The following SHISA9 variants were observed in gnomAD, a reference collection of about 807,000 sequenced individuals.
SHISA9 encodes protein shisa-9.
SHISA9 carries 13 observed loss-of-function variants against 38.0 expected under a neutral mutation model. The observed-to-expected ratio is 0.34, with a 90% CI of 0.22 to 0.54. SHISA9 has a LOEUF of 0.54. Ranked by LOEUF, SHISA9 falls within the 20% of genes least tolerant of loss-of-function variation. The probability of loss-of-function intolerance (pLI) is 0.91; values close to 1 mark genes in which losing one functional copy is unlikely to be tolerated. For missense variants in SHISA9, 538 were observed against 575.8 expected (o/e 0.93, Z 0.67); for synonymous variants, 275 against 242.0 (o/e 1.14, Z -1.27).
chr16:13,417,083 C>T, the SHISA9 span, among the ~76,000 whole-genome samples: 2 of 152,262 alleles, frequency 1.3e-5, no homozygotes, highest in South Asian at 4.2e-4. Context: ...CTATAACTTC[C>T]TGCTTGCCGA....
chr16:13,498,236 G>C, the SHISA9 span, among the ~76,000 whole-genome samples: 1 of 152,018 alleles, frequency 6.6e-6, no homozygotes, highest in East Asian at 1.9e-4. Context: ...TTATTATTCA[G>C]ATAAACAAAA....
At chr16:13,547,808 G>C in the SHISA9 span, among the ~76,000 whole-genome samples, 1 of 151,990 alleles carries the variant, frequency 6.6e-6, no homozygotes, top group Non-Finnish European at 1.5e-5. Flanking sequence ...GTGATAAACA[G>C]ATTTAGTGAA....
chr16:13,062,188 TA>T (rs34685957), intron 2 of SHISA9, among the ~76,000 whole-genome samples: 401 of 145,802 alleles, frequency 2.8e-3, no homozygotes, highest in Middle Eastern at 7.4e-3. Context: ...GGACTTACGC[TA>T]AAAAAAAAAA....
the SHISA9 span, among the ~76,000 whole-genome samples, chr16:13,356,398 G>C: frequency 6.6e-6 from 1 of 152,130 alleles, no homozygotes; most frequent in African/African-American, 2.4e-5. Flanking sequence ...GAGCCTAAAC[G>C]CTTCTGATTT....
Position 13,002,813 on chromosome 16 carries a change from A to G in SHISA9, c.691+85998A>G, listed in dbSNP as rs1432757285. ...CTCCCAAAGTGTTAGGATTACAGGC[A>G]TGAGCCACTGTGCCCAGCCAGTTCC... On this transcript the variant is annotated intron_variant, in intron 2 of 4. Transcript: ENST00000558583. 2.0e-5 allele frequency among the ~76,000 whole-genome samples: 3 copies of G among 152,134 alleles called. No homozygotes were observed. In the East Asian group the frequency reaches 5.8e-4, roughly 29 times the overall value.
the SHISA9 span, among the ~76,000 whole-genome samples, chr16:13,466,073 C>T: frequency 2.0e-5 from 3 of 152,188 alleles, no homozygotes; most frequent in African/African-American, 7.2e-5. Context: ...TTAACCATTA[C>T]CCCTAGTGAC....
intron 2 of SHISA9, among the ~76,000 whole-genome samples, chr16:13,025,836 C>T (rs1187014110): frequency 1.3e-5 from 2 of 151,860 alleles, no homozygotes; most frequent in Non-Finnish European, 2.9e-5. Context: ...ATGGAGTTTT[C>T]CTCTTGTTGC....
the SHISA9 span, among the ~76,000 whole-genome samples, chr16:13,293,170 G>A: frequency 6.6e-6 from 1 of 152,106 alleles, no homozygotes; most frequent in Non-Finnish European, 1.5e-5. Flanking sequence ...TTCAGAACAA[G>A]TTATTTCAGA....
At chr16:13,012,964 G>A (rs138561744) in intron 2 of SHISA9, among the ~76,000 whole-genome samples, 1 of 152,212 alleles carries the variant, frequency 6.6e-6, no homozygotes, top group Non-Finnish European at 1.5e-5. Flanking sequence ...GGCTATTTTC[G>A]GCATCCCGGA....
intron 2 of SHISA9, among the ~76,000 whole-genome samples, chr16:12,992,315 A>C (rs139727002): frequency 6.7e-6 from 1 of 149,572 alleles, no homozygotes; most frequent in Non-Finnish European, 1.5e-5. Flanking sequence ...ACTTGAGTTC[A>C]GGTGTTTGAG....
the SHISA9 span, among the ~76,000 whole-genome samples, chr16:13,374,559 C>G: frequency 1.3e-5 from 2 of 152,166 alleles, no homozygotes; most frequent in Non-Finnish European, 2.9e-5. Flanking sequence ...TTAATCCAGT[C>G]TATCATTGAT....
chr16:13,372,384 T>C, the SHISA9 span, among the ~76,000 whole-genome samples: 2 of 152,214 alleles, frequency 1.3e-5, no homozygotes, highest in Non-Finnish European at 2.9e-5. Context: ...ATATTCAGTC[T>C]ATCTAAGGTA....
At position 13,114,130 on chromosome 16, in the gene SHISA9, T is replaced by C. The variant is rs1596656280; in HGVS notation, c.692-89264T>C. ...TTGAAGGCTCCCCCACTGCCAGTTT[T>C]CTTTTTCTTAAATTATAATTTTTAT... On this transcript the variant is annotated intron_variant, in intron 2 of 4. Coordinates refer to ENST00000558583, the MANE Select transcript of SHISA9 (RefSeq NM_001145204.3). Among the ~76,000 whole-genome samples the C allele has an allele frequency of 3.9e-5, 6 of 152,306 alleles. 1 individual carries two copies. In the South Asian group the frequency reaches 1.2e-3, roughly 32 times the overall value.
the SHISA9 span, among the ~76,000 whole-genome samples, chr16:13,498,210 A>C: frequency 6.6e-6 from 1 of 152,076 alleles, no homozygotes. Context: ...AATTGATACC[A>C]AAAAAATCAG....
At position 12,943,266 on chromosome 16, in the gene SHISA9, C is replaced by G. The variant is rs1018807972; in HGVS notation, c.691+26451C>G. ...CAGGTTGAAGAGAATTATAATGGAACAGAGTATGGTGTGTGTGTGTGTGTG... is the reference window on the plus strand; with the variant it reads ...CAGGTTGAAGAGAATTATAATGGAAGAGAGTATGGTGTGTGTGTGTGTGTG... On this transcript the variant is annotated intron_variant, in intron 2 of 4. Transcript: ENST00000558583. Among the ~76,000 whole-genome samples, 59 of 114,464 alleles carry G rather than the reference C, an allele frequency of 5.2e-4. 1 individual carries two copies. The highest frequency in any genetic ancestry group is 1.0e-4 in the Admixed American group (1 of 9,962). The allele number at this position is 114,464 out of a possible 152,430, so 75.1% of individuals were successfully genotyped here. A position where few individuals can be genotyped will look rare whatever the true frequency, so the allele number is the denominator to read the frequency against.
At chr16:13,334,773 C>CAAAAAA in the SHISA9 span, among the ~76,000 whole-genome samples, 1 of 97,672 alleles carries the variant, frequency 1.0e-5, no homozygotes, top group African/African-American at 3.9e-5. Context: ...GACTCCATCT[C>CAAAAAA]AAAAAAAAAA....
At chr16:13,533,596 C>T in the SHISA9 span, among the ~76,000 whole-genome samples, 3 of 151,806 alleles carry the variant, frequency 2.0e-5, no homozygotes, top group Admixed American at 1.3e-4. Context: ...TCTGTGGGGA[C>T]TAATTCTGAC....
intron 4 of SHISA9, among the ~76,000 whole-genome samples, chr16:13,232,229 A>C (rs16961472): frequency 0.015 from 2,279 of 152,330 alleles, 22 homozygotes; most frequent in Non-Finnish European, 0.02. Context: ...ATGAAAGTTC[A>C]AAAGTTTATT....
At chr16:13,516,955 C>T in the SHISA9 span, among the ~76,000 whole-genome samples, 1 of 152,134 alleles carries the variant, frequency 6.6e-6, no homozygotes, top group African/African-American at 2.4e-5. Context: ...ATAGAATTTA[C>T]AGGGTAATGA....
Sources: allele counts gnomAD v4.1 joint callset (sites outside exome capture counted in the v4.1 genomes callset), GRCh38; gene constraint gnomAD v4.1.1; transcripts MANE v1.5; gene names NCBI Gene and HGNC (gene_info 2026-07-23, HGNC 2026-07-21).